RP1: variants seen among roughly 807,000 people sequenced by gnomAD.
RP1 encodes the protein oxygen-regulated protein 1.
Under a neutral mutation model 14.8 loss-of-function variants are expected in RP1, and 16 were observed. That is an observed-to-expected ratio of 1.08 (90% CI 0.73 to 1.65). The LOEUF is 1.65. Among genes scored for constraint, RP1 ranks in the 40% most tolerant of loss-of-function variants. The pLI, the probability that RP1 is intolerant of heterozygous loss-of-function variation, is 0.00. For synonymous variants in RP1, 876 were observed against 883.6 expected, an observed-to-expected ratio of 0.99 and a Z score of 0.15; for missense variants, 2,631 against 2,535.0, an observed-to-expected ratio of 1.04 and a Z score of -0.81.
chr8:54,825,924 C>T (rs970138393), intron 24 of RP1, among the ~76,000 whole-genome samples: 1 of 151,870 alleles, frequency 6.6e-6, no homozygotes, highest in Non-Finnish European at 1.5e-5. Flanking sequence ...AAAAATCAGC[C>T]TGGTGCAATG....
chr8:54,723,118 A>C (rs1585636824), intron 16 of RP1, among the ~76,000 whole-genome samples: 1 of 152,142 alleles, frequency 6.6e-6, no homozygotes, highest in Non-Finnish European at 1.5e-5. Context: ...CAGCTCTTGG[A>C]CCACCTGCCT....
chr8:54,629,405 C>A lies in RP1; in HGVS notation c.5523C>A (p.Thr1841=). 1.2e-6 allele frequency: 2 copies of A among 1,614,080 alleles called. No homozygotes were observed. Among genetic ancestry groups the A allele is most frequent in the Non-Finnish European group, 1.7e-6 (2 of 1,179,972 alleles). The change falls in exon 4 of 4, where the codon ACC becomes ACA. Residue 1841 remains threonine (T), a synonymous_variant. Coordinates refer to ENST00000220676, the MANE Select transcript of RP1 (RefSeq NM_006269.2). Reference sequence around the variant, plus strand: ...ACTTGCTGGATGTTCGCAATGAAACCTGTGCCAAGGAAAGAATAGCAAATC... The same window carrying A: ...ACTTGCTGGATGTTCGCAATGAAACATGTGCCAAGGAAAGAATAGCAAATC... ...HEDLLDVRNE[T]CAKERIANHH...
rs527397511 is a variant in RP1, at chr8:54,628,996, A to T, written c.5114A>T (p.Asp1705Val). 1 of 1,614,094 alleles carries T rather than the reference A, an allele frequency of 6.2e-7. No homozygotes were observed. The highest frequency in any genetic ancestry group is 1.7e-5 in the Admixed American group (1 of 60,012). ...EFQEERQDKC[D>V]VSAVRDNYCR... Reference sequence around the variant, plus strand: ...CAGGAGGAAAGACAAGATAAGTGTGATGTTAGTGCTGTGAGGGACAATTAT... The same window carrying T: ...CAGGAGGAAAGACAAGATAAGTGTGTTGTTAGTGCTGTGAGGGACAATTAT... The change falls in exon 4 of 4, where the codon GAT becomes GTT. Residue 1705 changes from aspartate to valine, a missense_variant. Transcript: ENST00000220676.
Position 54,692,534 on chromosome 8 carries a change from T to C in RP1, c.1718-6933T>C, listed in dbSNP as rs1315333768. Among the ~76,000 whole-genome samples, 5 of 47,300 alleles carry C rather than the reference T, an allele frequency of 1.1e-4. 1 individual carries two copies. Among genetic ancestry groups the C allele is most frequent in the African/African-American group, 2.5e-4 (1 of 4,054 alleles). The allele number at this position is 47,300 out of a possible 152,430, so 31.0% of individuals were successfully genotyped here. On this transcript the variant is annotated intron_variant, in intron 12 of 22. Transcript: ENST00000636932. Reference sequence around the variant, plus strand: ...CTAACTGGTGTGAGATGGTATCTCATTGTGCTTTTGATTTGCATTTCTCTG... The same window carrying C: ...CTAACTGGTGTGAGATGGTATCTCACTGTGCTTTTGATTTGCATTTCTCTG...
chr8:54,628,375 T>C lies in RP1; in HGVS notation c.4493T>C (p.Val1498Ala), dbSNP rs1311308963. The C allele has an allele frequency of 6.2e-7, 1 of 1,613,368 alleles. No individual in the cohort carries two copies. Among genetic ancestry groups the C allele is most frequent in the African/African-American group, 1.3e-5 (1 of 74,874 alleles). Residue 1498 changes from valine (V) to alanine (A), a missense_variant, in exon 4 of 4, where the codon GTA becomes GCA. Transcript: ENST00000220676. Reference sequence around the variant, plus strand: ...ACTGAAGAATTAATCCAAGAAGAGGTAGAGGCTAGTAAAACTTTAGAATTG... The same window carrying C: ...ACTGAAGAATTAATCCAAGAAGAGGCAGAGGCTAGTAAAACTTTAGAATTG... ...QATEELIQEE[V>A]EASKTLELID...
At position 54,624,714 on chromosome 8, in the gene RP1, G is replaced by T. The variant is rs1457131517; in HGVS notation, c.832G>T (p.Val278Phe). 1 of 1,613,712 alleles carries T rather than the reference G, an allele frequency of 6.2e-7. No homozygotes were observed. Among genetic ancestry groups the T allele is most frequent in the Non-Finnish European group, 8.5e-7 (1 of 1,179,924 alleles). The stretch of plus-strand genomic sequence containing the variant: ...AAGCTCAAGGTCCCAGATTTATTCT[G>T]TTTCTTCTGAGAAAACACATAATAA... ...SSSSRSQIYS[V>F]SSEKTHNNDC... The change falls in exon 4 of 4, where the codon GTT becomes TTT. Residue 278 changes from valine (V) to phenylalanine (F), a missense_variant. Transcript: ENST00000220676.
chr8:54,693,418 A>T (rs1807769270), intron 12 of RP1, among the ~76,000 whole-genome samples: 2 of 152,080 alleles, frequency 1.3e-5, no homozygotes, highest in Admixed American at 6.6e-5. Flanking sequence ...CAGTATGGCC[A>T]TTTTCACAAT....
intron 3 of RP1, among the ~76,000 whole-genome samples, chr8:54,644,454 G>A (rs576406357): frequency 6.6e-6 from 1 of 152,288 alleles, no homozygotes; most frequent in Non-Finnish European, 1.5e-5. Flanking sequence ...TTCTGTGGAT[G>A]CCAAAGGGGT....
intron 24 of RP1, among the ~76,000 whole-genome samples, chr8:54,832,400 T>C (rs182986763): frequency 3.4e-4 from 51 of 151,960 alleles, no homozygotes; most frequent in Non-Finnish European, 6.6e-4. Flanking sequence ...TTGTGTCTAA[T>C]TGGTTATTTT....
intron 1 of RP1, among the ~76,000 whole-genome samples, chr8:54,600,767 C>T (rs1805261651): frequency 6.6e-6 from 1 of 152,178 alleles, no homozygotes; most frequent in Non-Finnish European, 1.5e-5. Context: ...ACTAGCTTGC[C>T]CCTTTCCTGG....
At chr8:54,817,124 G>C (rs1410542686) in intron 24 of RP1, among the ~76,000 whole-genome samples, 1 of 152,024 alleles carries the variant, frequency 6.6e-6, no homozygotes, top group Non-Finnish European at 1.5e-5. Context: ...TTCATTGTCT[G>C]TCTTGTCTCA....
chr8:54,707,981 G>T (rs1015360782), intron 15 of RP1, among the ~76,000 whole-genome samples: 3 of 152,190 alleles, frequency 2.0e-5, no homozygotes, highest in Admixed American at 6.5e-5. Flanking sequence ...TTATTACTAT[G>T]ACTAGACTAG....
intron 1 of RP1, among the ~76,000 whole-genome samples, chr8:54,573,839 C>G (rs115895962): frequency 8.5e-5 from 13 of 152,084 alleles, no homozygotes; most frequent in African/African-American, 2.9e-4. Context: ...ATGAAGAAAA[C>G]ATAACATAAA....
chr8:54,628,635 AGTCCAGTGACTTCTGATTG>A lies in RP1; in HGVS notation c.4757_4775del (p.Pro1586GlnfsTer34), dbSNP rs755343295. On this transcript the variant is annotated frameshift_variant, in exon 4 of 4. Coordinates refer to ENST00000220676, the MANE Select transcript of RP1 (RefSeq NM_006269.2). LOFTEE classifies it low-confidence loss of function (END_TRUNC). ...TCCTGATTTAAAAAAATGCATCAAAAGTCCAGTGACTTCTGATTGGTCAGACTATCGGCCTGACAGTGAC... is the reference window on the plus strand; with the variant it reads ...TCCTGATTTAAAAAAATGCATCAAAAGTCAGACTATCGGCCTGACAGTGAC... The A allele has an allele frequency of 6.2e-7, 1 of 1,614,066 alleles. No homozygotes were observed. Among genetic ancestry groups the A allele is most frequent in the Non-Finnish European group, 8.5e-7 (1 of 1,179,944 alleles).
chr8:54,693,951 G>C (rs1280777575), intron 12 of RP1, among the ~76,000 whole-genome samples: 1 of 152,062 alleles, frequency 6.6e-6, no homozygotes, highest in Non-Finnish European at 1.5e-5. Context: ...TATTGGGTGT[G>C]GGTTTGTCAT....
chr8:54,738,868 TA>T (rs1457697994), intron 18 of RP1: 1 of 963,216 alleles, frequency 1.0e-6, no homozygotes, highest in Non-Finnish European at 1.5e-6. Context: ...GCAGTTAGTG[TA>T]AAAAGAAAGA....
At chr8:54,584,346 T>G (rs945449219) in intron 1 of RP1, among the ~76,000 whole-genome samples, 19 of 152,374 alleles carry the variant, frequency 1.2e-4, no homozygotes, top group African/African-American at 4.3e-4. Context: ...TCTAGTTTGA[T>G]TGCACTGTGG....
At chr8:54,643,690 G>C (rs905168857) in intron 3 of RP1, among the ~76,000 whole-genome samples, 1 of 152,142 alleles carries the variant, frequency 6.6e-6, no homozygotes. Context: ...TCTGAATGCT[G>C]TCTCTAAAGA....
intron 12 of RP1, among the ~76,000 whole-genome samples, chr8:54,693,268 T>C (rs977549096): frequency 2.6e-5 from 4 of 152,112 alleles, no homozygotes; most frequent in African/African-American, 9.7e-5. Context: ...TCCAGCTTTG[T>C]TCTTTTGGCT....
Sources: gnomAD v4.1 joint callset for allele counts (sites outside exome capture counted in the v4.1 genomes callset) on GRCh38, gnomAD v4.1.1 for gene constraint, MANE v1.5 for transcripts, NCBI Gene and HGNC (gene_info 2026-07-23, HGNC 2026-07-21) for gene names.